Variants in LYPLAL1 observed in about 807,000 individuals in gnomAD.
LYPLAL1 encodes the protein lysophospholipase-like protein 1.
Under a neutral mutation model 19.7 loss-of-function variants are expected in LYPLAL1, and 23 were observed. The observed-to-expected ratio is 1.17, with a 90% CI of 0.84 to 1.65. The LOEUF is 1.65. Among genes scored for constraint, LYPLAL1 ranks in the 40% most tolerant of loss-of-function variants. LYPLAL1 has a pLI of 0.00. For synonymous variants in LYPLAL1, 119 were observed against 96.3 expected (o/e 1.24, Z -1.38); for missense variants, 355 against 279.4 (o/e 1.27, Z -1.93).
At chr1:219,334,826 C>A in the LYPLAL1 span, among the ~76,000 whole-genome samples, 9 of 151,832 alleles carry the variant, frequency 5.9e-5, no homozygotes, top group Admixed American at 2.0e-4. Context: ...GACTTTTAAA[C>A]TCTTGTTGTA....
the LYPLAL1 span, among the ~76,000 whole-genome samples, chr1:219,376,979 G>A: frequency 6.6e-6 from 1 of 151,948 alleles, no homozygotes; most frequent in South Asian, 2.1e-4. Context: ...TCCACTTCTG[G>A]GTATATACCC....
At chr1:219,197,893 G>T (rs1321150985) in intron 3 of LYPLAL1, among the ~76,000 whole-genome samples, 2 of 152,036 alleles carry the variant, frequency 1.3e-5, no homozygotes, top group Non-Finnish European at 2.9e-5. Flanking sequence ...AGCAGGAGAG[G>T]TTACCTGTTT....
intron 3 of LYPLAL1, among the ~76,000 whole-genome samples, chr1:219,202,612 A>G (rs552993957): frequency 3.9e-5 from 6 of 152,372 alleles, no homozygotes; most frequent in African/African-American, 1.2e-4. Flanking sequence ...GGGAAATAAA[A>G]GAAAAATGCA....
intron 3 of LYPLAL1, chr1:219,193,463 C>T (rs946884465): frequency 4.3e-5 from 13 of 299,224 alleles, no homozygotes; most frequent in East Asian, 1.6e-4. Flanking sequence ...TGAATAATAA[C>T]GGATTTTGAG....
the LYPLAL1 span, among the ~76,000 whole-genome samples, chr1:219,439,972 T>TATATATATATATATATATATAC: frequency 4.4e-5 from 5 of 114,070 alleles, no homozygotes; most frequent in African/African-American, 2.1e-4. Flanking sequence ...TATATATATA[T>TATATATATATATATATATATAC]ACATATATAT....
chr1:219,368,556 C>T, the LYPLAL1 span, among the ~76,000 whole-genome samples: 2 of 152,146 alleles, frequency 1.3e-5, no homozygotes, highest in Non-Finnish European at 2.9e-5. Flanking sequence ...AAAAACACAG[C>T]GAAGGAGGGC....
the LYPLAL1 span, among the ~76,000 whole-genome samples, chr1:219,425,704 G>A: frequency 6.6e-6 from 1 of 152,208 alleles, no homozygotes; most frequent in Middle Eastern, 3.4e-3. Context: ...ATTCAAAGTG[G>A]CTCATGAAAT....
At chr1:219,420,189 G>C in the LYPLAL1 span, among the ~76,000 whole-genome samples, 2 of 152,218 alleles carry the variant, frequency 1.3e-5, no homozygotes, top group Non-Finnish European at 2.9e-5. Flanking sequence ...ATAGATGAAA[G>C]TCACTCACAG....
chr1:219,328,484 T>A, the LYPLAL1 span, among the ~76,000 whole-genome samples: 359 of 152,304 alleles, frequency 2.4e-3, 4 homozygotes, highest in African/African-American at 8.3e-3. Context: ...AGAAGAATTG[T>A]CAATTTCTTT....
the LYPLAL1 span, among the ~76,000 whole-genome samples, chr1:219,440,639 C>A: frequency 1.3e-5 from 2 of 152,226 alleles, no homozygotes; most frequent in East Asian, 3.9e-4. Context: ...CAATTGGCCA[C>A]TTTTGACCAG....
the LYPLAL1 span, among the ~76,000 whole-genome samples, chr1:219,247,502 GC>G: frequency 6.6e-6 from 1 of 152,100 alleles, no homozygotes; most frequent in African/African-American, 2.4e-5. Context: ...AAATCCAAAA[GC>G]AATAGCTCTT....
At chr1:219,354,270 C>T in the LYPLAL1 span, among the ~76,000 whole-genome samples, 8 of 152,172 alleles carry the variant, frequency 5.3e-5, no homozygotes, top group Admixed American at 4.6e-4. Context: ...AATCTTAGCT[C>T]ACTGGAACCT....
chr1:219,313,942 C>T, the LYPLAL1 span, among the ~76,000 whole-genome samples: 2 of 152,154 alleles, frequency 1.3e-5, no homozygotes, highest in Non-Finnish European at 2.9e-5. Context: ...AAGCATAGTA[C>T]CTGATAGATA....
chr1:219,338,416 G>GTATCA, the LYPLAL1 span, among the ~76,000 whole-genome samples: 1 of 151,966 alleles, frequency 6.6e-6, no homozygotes, highest in Non-Finnish European at 1.5e-5. Context: ...TCAGTTACAT[G>GTATCA]TATCAAAACA....
the LYPLAL1 span, among the ~76,000 whole-genome samples, chr1:219,438,047 G>A: frequency 4.5e-4 from 68 of 152,216 alleles, 1 homozygote; most frequent in South Asian, 0.013. Flanking sequence ...GATTACAGAC[G>A]TGAGCCACCA....
chr1:219,216,927 A>G (rs1218293826), downstream of LYPLAL1, among the ~76,000 whole-genome samples: 3 of 152,146 alleles, frequency 2.0e-5, no homozygotes, highest in South Asian at 2.1e-4. Flanking sequence ...GTAAAAACAT[A>G]TATGTAGTAC....
chr1:219,395,769 TG>T, the LYPLAL1 span, among the ~76,000 whole-genome samples: 1 of 152,168 alleles, frequency 6.6e-6, no homozygotes, highest in Non-Finnish European at 1.5e-5. Flanking sequence ...TTTAAGTCCT[TG>T]ATCCATCTTG....
the LYPLAL1 span, among the ~76,000 whole-genome samples, chr1:219,397,622 C>T: frequency 6.6e-6 from 1 of 152,054 alleles, no homozygotes; most frequent in Non-Finnish European, 1.5e-5. Flanking sequence ...ATTATGCAGA[C>T]TTGTTTATGT....
At chr1:219,440,993 T>G in the LYPLAL1 span, among the ~76,000 whole-genome samples, 2 of 152,200 alleles carry the variant, frequency 1.3e-5, no homozygotes, top group African/African-American at 4.8e-5. Flanking sequence ...ATTGAGCCTC[T>G]AGATCCAACT....
Sources: allele counts gnomAD v4.1 joint callset (sites outside exome capture counted in the v4.1 genomes callset), GRCh38; gene constraint gnomAD v4.1.1; transcripts MANE v1.5; gene names NCBI Gene and HGNC (gene_info 2026-07-23, HGNC 2026-07-21).